Variants in SNTG1 observed in about 807,000 individuals in gnomAD.
SNTG1 encodes the protein syntrophin gamma 1, also known as gamma-1-syntrophin.
A neutral mutation model predicts 74.7 loss-of-function variants in SNTG1; 39 were observed. That is an observed-to-expected ratio of 0.52 (90% CI 0.40 to 0.68). The LOEUF (loss-of-function observed/expected upper bound fraction) is 0.68. Among genes scored for constraint, SNTG1 ranks in the 30% least tolerant of loss-of-function variants. SNTG1 has a pLI of 0.00. For synonymous variants in SNTG1, 254 were observed against 217.1 expected (o/e 1.17, Z -1.49); for missense variants, 685 against 609.5 (o/e 1.12, Z -1.30).
At chr8:50,338,993 C>G (rs1189626166) in intron 2 of SNTG1, among the ~76,000 whole-genome samples, 1 of 151,766 alleles carries the variant, frequency 6.6e-6, no homozygotes, top group Non-Finnish European at 1.5e-5. Flanking sequence ...AAATACTATG[C>G]CTAAGAAATA....
chr8:50,018,320 G>T (rs1028467195), intron 1 of SNTG1, among the ~76,000 whole-genome samples: 1 of 151,974 alleles, frequency 6.6e-6, no homozygotes, highest in South Asian at 2.1e-4. Flanking sequence ...TAGAAGTATA[G>T]ATCACTTCAG....
In SNTG1 at chr8:50,015,140, G is replaced by A. The variant is rs140709314; in HGVS notation, c.-103+102909G>A. Among the ~76,000 whole-genome samples, 33 of 151,826 alleles carry A rather than the reference G, an allele frequency of 2.2e-4. No homozygotes were observed. The East Asian group carries it at 6.2e-3, about 29-fold the overall frequency. On this transcript the variant is annotated intron_variant, in intron 1 of 18. Coordinates refer to ENST00000642720, the MANE Select transcript of SNTG1 (RefSeq NM_018967.5). ...GGGAAACCATGTTGAAATAATTAAAGCAAAATATAAAAACAATGTCTCACA... is the reference window on the plus strand; with the variant it reads ...GGGAAACCATGTTGAAATAATTAAAACAAAATATAAAAACAATGTCTCACA...
chr8:50,511,695 T>C (rs1395130271), intron 9 of SNTG1, among the ~76,000 whole-genome samples: 4 of 152,214 alleles, frequency 2.6e-5, no homozygotes, highest in Non-Finnish European at 5.9e-5. Context: ...CTTTTCATCT[T>C]TGTTGGTTTA....
At chr8:50,220,468 C>T (rs1190700514) in intron 2 of SNTG1, among the ~76,000 whole-genome samples, 2 of 152,092 alleles carry the variant, frequency 1.3e-5, no homozygotes, top group African/African-American at 4.8e-5. Flanking sequence ...GAAAGGAATA[C>T]ATGAGACTGG....
chr8:50,605,976 C>A (rs1344808244), intron 13 of SNTG1, among the ~76,000 whole-genome samples: 1 of 152,198 alleles, frequency 6.6e-6, no homozygotes, highest in Non-Finnish European at 1.5e-5. Flanking sequence ...GTGAATCCCA[C>A]TTGATCATGG....
intron 12 of SNTG1, among the ~76,000 whole-genome samples, chr8:50,577,447 AGTTTTTTTTTTTT>A (rs1462988286): frequency 2.1e-5 from 3 of 142,670 alleles, no homozygotes; most frequent in East Asian, 4.0e-4. Context: ...ATTGGTCCAT[AGTTTTTTTTTTTT>A]GTTTTTTTTT....
In SNTG1 at chr8:50,683,014, G is replaced by T. The variant is rs1252095024; in HGVS notation, c.1039-21586G>T. On this transcript the variant is annotated intron_variant, in intron 15 of 18. Transcript: ENST00000642720. ...ACTGCATTTAACCAGTTTTATCATT[G>T]CCTGACATATTATGATTAAGCATTT... 2.0e-5 allele frequency among the ~76,000 whole-genome samples: 3 copies of T among 152,080 alleles called. No homozygotes were observed. The East Asian group carries it at 5.8e-4, about 29-fold the overall frequency.
intron 10 of SNTG1, among the ~76,000 whole-genome samples, chr8:50,535,822 A>C (rs537642720): frequency 6.6e-6 from 1 of 152,326 alleles, no homozygotes; most frequent in African/African-American, 2.4e-5. Flanking sequence ...TTCCAACACT[A>C]TCACTCAAAA....
At chr8:50,708,621 T>C in intron 16 of SNTG1, 1 of 423,074 alleles carries the variant, frequency 2.4e-6, no homozygotes, top group East Asian at 3.6e-5. Flanking sequence ...ACAGACAGTG[T>C]AGCACAATGT....
intron 1 of SNTG1, among the ~76,000 whole-genome samples, chr8:49,939,460 T>TTTG (rs1057233382): frequency 2.6e-5 from 4 of 151,486 alleles, no homozygotes; most frequent in East Asian, 1.9e-4. Flanking sequence ...CTACACTTTG[T>TTTG]TTGTTGTTGT....
At chr8:50,742,430 A>G (rs2131667448) in intron 17 of SNTG1, among the ~76,000 whole-genome samples, 1 of 152,156 alleles carries the variant, frequency 6.6e-6, no homozygotes, top group Admixed American at 6.6e-5. Flanking sequence ...AACTGGATAA[A>G]GAAGAAAACA....
intron 15 of SNTG1, among the ~76,000 whole-genome samples, chr8:50,703,741 C>T (rs894884220): frequency 8.5e-5 from 13 of 152,076 alleles, no homozygotes; most frequent in Admixed American, 7.2e-4. Context: ...AGCATGACCA[C>T]AAACACAAGA....
chr8:50,755,364 C>A (rs2095577806), intron 18 of SNTG1, among the ~76,000 whole-genome samples: 1 of 151,738 alleles, frequency 6.6e-6, no homozygotes, highest in Non-Finnish European at 1.5e-5. Flanking sequence ...AATAGTTACC[C>A]TTTTCATATT....
chr8:49,977,790 G>A (rs1295829606), intron 1 of SNTG1, among the ~76,000 whole-genome samples: 1 of 152,220 alleles, frequency 6.6e-6, no homozygotes, highest in Non-Finnish European at 1.5e-5. Context: ...GAAAGGCGAA[G>A]GCTTCATAGC....
In SNTG1 at chr8:50,155,222, C is replaced by T. The variant is rs141892393; in HGVS notation, c.-102-17339C>T. Among the ~76,000 whole-genome samples the T allele has an allele frequency of 7.9e-3, 1,204 of 151,892 alleles. 15 individuals carry two copies. Among genetic ancestry groups the T allele is most frequent in the African/African-American group, 0.028 (1,160 of 41,266 alleles). On this transcript the variant is annotated intron_variant, in intron 1 of 18. Transcript: ENST00000642720. Reference sequence around the variant, plus strand: ...GCAGTATGGTCCTGTTGTAAAAATACACAGAGAGATCATAAGAAAAGGATA... The same window carrying T: ...GCAGTATGGTCCTGTTGTAAAAATATACAGAGAGATCATAAGAAAAGGATA...
chr8:50,238,947 A>C (rs1239477824), intron 2 of SNTG1, among the ~76,000 whole-genome samples: 1 of 152,220 alleles, frequency 6.6e-6, no homozygotes, highest in Non-Finnish European at 1.5e-5. Context: ...ATGAGATACC[A>C]TCTCACACCA....
At chr8:50,184,872 T>C (rs2083326029) in intron 2 of SNTG1, among the ~76,000 whole-genome samples, 1 of 152,232 alleles carries the variant, frequency 6.6e-6, no homozygotes, top group Non-Finnish European at 1.5e-5. Context: ...TATTTAAGTA[T>C]TATTGACTTT....
At chr8:50,715,743 G>A (rs1431970208) in intron 17 of SNTG1, among the ~76,000 whole-genome samples, 1 of 152,062 alleles carries the variant, frequency 6.6e-6, no homozygotes, top group Non-Finnish European at 1.5e-5. Flanking sequence ...CTTACATTCT[G>A]AGAATTAAGA....
intron 2 of SNTG1, among the ~76,000 whole-genome samples, chr8:50,204,295 T>TA (rs1280916028): frequency 6.6e-6 from 1 of 152,094 alleles, no homozygotes; most frequent in African/African-American, 2.4e-5. Flanking sequence ...GTACATATCT[T>TA]TTTTTTGTCC....
Sources: gnomAD v4.1 joint callset for allele counts (sites outside exome capture counted in the v4.1 genomes callset) on GRCh38, gnomAD v4.1.1 for gene constraint, MANE v1.5 for transcripts, NCBI Gene and HGNC (gene_info 2026-07-23, HGNC 2026-07-21) for gene names.